SLIT3: variants seen among roughly 807,000 people sequenced by gnomAD.
The protein encoded by SLIT3 is slit homolog 3 protein.
SLIT3 carries 68 observed loss-of-function variants against 184.0 expected under a neutral mutation model. That is an observed-to-expected ratio of 0.37 (90% CI 0.30 to 0.45). The LOEUF (loss-of-function observed/expected upper bound fraction) is 0.45. SLIT3 is among the 20% of genes least tolerant of loss of function. The pLI, the probability that SLIT3 is intolerant of heterozygous loss-of-function variation, is 1.00. For synonymous variants in SLIT3, 831 were observed against 828.6 expected (o/e 1.00, Z -0.05); for missense variants, 1,707 against 2,026.0 (o/e 0.84, Z 3.02).
Position 169,300,452 on chromosome 5 carries a change from T to A in SLIT3, c.197+61A>T. 1.4e-6 allele frequency: 2 copies of A among 1,390,898 alleles called. No individual in the cohort carries two copies. The highest frequency in any genetic ancestry group is 1.9e-6 in the Non-Finnish European group (2 of 1,074,824). The allele number at this position is 1,390,898 out of a possible 1,614,324, so 86.2% of individuals were successfully genotyped here. A position where few individuals can be genotyped will look rare whatever the true frequency, so the allele number is the denominator to read the frequency against. ...GAGGGGAAAGGACGGATCTGGCGCC[T>A]GGGGCCCCCTCGGTGGGACCCAGGT... On this transcript the variant is annotated intron_variant, in intron 1 of 35. Coordinates refer to ENST00000519560, the MANE Select transcript of SLIT3 (RefSeq NM_003062.4). This position sits in a 1 kb window ranked among gnomAD's most constrained non-coding sequence, Gnocchi z 4.1.
intron 1 of SLIT3, among the ~76,000 whole-genome samples, chr5:169,297,935 T>C (rs1369178655): frequency 1.3e-5 from 2 of 152,238 alleles, no homozygotes; most frequent in African/African-American, 4.8e-5. Context: ...AAGGCAGGAA[T>C]AAATGAGTGA....
chr5:168,992,828 C>T (rs1755375865), intron 4 of SLIT3, among the ~76,000 whole-genome samples: 1 of 152,158 alleles, frequency 6.6e-6, no homozygotes, highest in African/African-American at 2.4e-5. Context: ...ATGGAGGGGG[C>T]GCTGTGGTCT....
chr5:169,083,875 C>T (rs1420281662), intron 4 of SLIT3, among the ~76,000 whole-genome samples: 1 of 152,184 alleles, frequency 6.6e-6, no homozygotes, highest in East Asian at 1.9e-4. Context: ...TTAGAATACC[C>T]ACCTGGAGCA....
At chr5:169,070,225 T>G (rs1331733618) in intron 4 of SLIT3, among the ~76,000 whole-genome samples, 2 of 152,134 alleles carry the variant, frequency 1.3e-5, no homozygotes, top group Non-Finnish European at 2.9e-5. Flanking sequence ...TCGAGTGATG[T>G]GTCCTTGAAG....
intron 2 of SLIT3, among the ~76,000 whole-genome samples, chr5:169,247,745 C>G (rs920943156): frequency 1.3e-5 from 2 of 152,022 alleles, no homozygotes; most frequent in African/African-American, 4.8e-5. Flanking sequence ...GGACTATAGG[C>G]GCATGCCACC....
At chr5:169,207,329 C>G (rs1044755451) in intron 3 of SLIT3, among the ~76,000 whole-genome samples, 2 of 149,824 alleles carry the variant, frequency 1.3e-5, no homozygotes, top group Non-Finnish European at 3.0e-5. Context: ...GGTGTGTTGG[C>G]CTCTGGACCA....
At chr5:169,037,506 A>G (rs961184199) in intron 4 of SLIT3, among the ~76,000 whole-genome samples, 1 of 152,154 alleles carries the variant, frequency 6.6e-6, no homozygotes, top group African/African-American at 2.4e-5. Context: ...CTCCACCTCC[A>G]CTAATTAAAG....
chr5:168,880,659 A>G (rs1759917305), intron 5 of SLIT3, among the ~76,000 whole-genome samples: 1 of 152,198 alleles, frequency 6.6e-6, no homozygotes, highest in Non-Finnish European at 1.5e-5. Context: ...GGTAAGTCCA[A>G]CTATTATCCT....
chr5:168,959,847 A>G (rs1202015534), intron 4 of SLIT3, among the ~76,000 whole-genome samples: 1 of 152,108 alleles, frequency 6.6e-6, no homozygotes, highest in Admixed American at 6.5e-5. Context: ...GCCAACATTT[A>G]CCGAGTTCTC....
intron 4 of SLIT3, among the ~76,000 whole-genome samples, chr5:168,933,538 C>T (rs1762063209): frequency 1.3e-5 from 2 of 149,832 alleles, no homozygotes; most frequent in African/African-American, 5.0e-5. Flanking sequence ...AAGACTCCAT[C>T]TCAAAACAAA....
chr5:168,746,434 G>GGTGGTGGTGTGGCGGTGT (rs1561907110), intron 20 of SLIT3, among the ~76,000 whole-genome samples: 1 of 63,406 alleles, frequency 1.6e-5, no homozygotes, highest in African/African-American at 6.7e-5. Context: ...GGTGGTGTGT[G>GGTGGTGGTGTGGCGGTGT]GTGGTGTGGG....
At chr5:168,754,994 G>GT (rs1754843713) in intron 16 of SLIT3, among the ~76,000 whole-genome samples, 1 of 152,200 alleles carries the variant, frequency 6.6e-6, no homozygotes, top group African/African-American at 2.4e-5. Context: ...TTTCTCACCA[G>GT]TTAAGGATCC....
intron 10 of SLIT3, among the ~76,000 whole-genome samples, chr5:168,792,495 T>A (rs1242469122): frequency 3.3e-5 from 5 of 152,196 alleles, no homozygotes. Flanking sequence ...CTGGGGCTTA[T>A]AAACTGGATG....
At chr5:168,772,262 G>C (rs527635293) in intron 14 of SLIT3, 3 of 153,994 alleles carry the variant, frequency 1.9e-5, no homozygotes, top group Non-Finnish European at 2.9e-5. Flanking sequence ...CTAAGCTAGT[G>C]AAAGTGTTTT....
intron 4 of SLIT3, among the ~76,000 whole-genome samples, chr5:169,028,301 A>C (rs1756902255): frequency 6.6e-6 from 1 of 152,026 alleles, no homozygotes; most frequent in Non-Finnish European, 1.5e-5. Context: ...TTGAACTATC[A>C]CCTAGAACTG....
intron 4 of SLIT3, among the ~76,000 whole-genome samples, chr5:168,967,134 T>C (rs984023596): frequency 2.6e-5 from 4 of 152,118 alleles, no homozygotes; most frequent in Non-Finnish European, 5.9e-5. Context: ...ATGTTATTTA[T>C]GAATTTGGAA....
chr5:169,279,809 C>T (rs902295679), intron 1 of SLIT3, among the ~76,000 whole-genome samples: 1 of 152,140 alleles, frequency 6.6e-6, no homozygotes, highest in Non-Finnish European at 1.5e-5. Flanking sequence ...AAATAATGTC[C>T]CCTCTGGTGC....
intron 4 of SLIT3, among the ~76,000 whole-genome samples, chr5:168,888,398 G>T (rs143889743): frequency 2.0e-5 from 3 of 152,360 alleles, no homozygotes; most frequent in Non-Finnish European, 4.4e-5. Context: ...CCAGCTAGGA[G>T]ACTTTAGCAG....
intron 4 of SLIT3, chr5:169,018,607 G>C (rs866505361): frequency 1.3e-5 from 2 of 152,236 alleles, no homozygotes; most frequent in African/African-American, 4.8e-5. Flanking sequence ...GTGAGCGCAA[G>C]AGTCCTATCG....
Sources: allele counts gnomAD v4.1 joint callset (sites outside exome capture counted in the v4.1 genomes callset), GRCh38; gene constraint gnomAD v4.1.1; non-coding constraint Gnocchi (gnomAD v3.1); transcripts MANE v1.5; gene names NCBI Gene and HGNC (gene_info 2026-07-23, HGNC 2026-07-21).